Variants in HYDIN observed in about 807,000 individuals in gnomAD.
The protein encoded by HYDIN is axonemal central pair apparatus protein HYDIN.
Under a neutral mutation model 403.9 loss-of-function variants are expected in HYDIN, and 132 were observed. The observed-to-expected ratio is 0.33, with a 90% confidence interval of 0.28 to 0.38. The LOEUF (loss-of-function observed/expected upper bound fraction) is 0.38. Ranked by LOEUF, HYDIN falls within the 10% of genes least tolerant of loss-of-function variation. The pLI, the probability that HYDIN is intolerant of heterozygous loss-of-function variation, is 1.00. For synonymous variants in HYDIN, 1,202 were observed against 1,891.7 expected (o/e 0.64, Z 9.46); for missense variants, 2,827 against 5,009.5 (o/e 0.56, Z 13.15).
intron 10 of HYDIN, among the ~76,000 whole-genome samples, chr16:71,097,716 T>C (rs1288278937): frequency 1.4e-5 from 2 of 148,008 alleles, no homozygotes; most frequent in African/African-American, 5.1e-5. Context: ...GATAGTTCAA[T>C]GGTTTTCCTT....
intron 70 of HYDIN, among the ~76,000 whole-genome samples, 164 bp downstream of exon 70, chr16:70,860,525 C>A (rs2039341819): frequency 7.9e-6 from 1 of 126,356 alleles, no homozygotes; most frequent in Non-Finnish European, 1.6e-5. Context: ...CAGAATTCAG[C>A]TTTCTTAACG....
rs1046973633 is a variant in HYDIN, at chr16:70,804,093, T to C, written c.*3487A>G. On this transcript the variant is annotated 3_prime_UTR_variant, in exon 86 of 86. Transcript: ENST00000393567. ...CCAAATTTGCTAATATAAGACTATTTTGTTATTGTTTGAGGCTAAGGAAGC... is the reference window on the plus strand; with the variant it reads ...CCAAATTTGCTAATATAAGACTATTCTGTTATTGTTTGAGGCTAAGGAAGC... Among the ~76,000 whole-genome samples, 1 of 152,250 alleles carries C rather than the reference T, an allele frequency of 6.6e-6. No homozygotes were observed. The highest frequency in any genetic ancestry group is 1.5e-5 in the Non-Finnish European group (1 of 68,046).
intron 16 of HYDIN, among the ~76,000 whole-genome samples, chr16:71,063,539 GCACACTC>G (rs1202673406): frequency 1.3e-5 from 2 of 152,208 alleles, no homozygotes; most frequent in Admixed American, 6.5e-5. Flanking sequence ...GACCCCAGAT[GCACACTC>G]CACTCTGAGT....
intron 64 of HYDIN, among the ~76,000 whole-genome samples, chr16:70,872,782 A>G (rs1222736351): frequency 2.2e-5 from 3 of 135,952 alleles, no homozygotes; most frequent in African/African-American, 9.0e-5. Flanking sequence ...TCATCCATCC[A>G]TCATCCACCC....
chr16:71,217,722 C>A (rs764289688), intron 1 of HYDIN, among the ~76,000 whole-genome samples: 1 of 152,180 alleles, frequency 6.6e-6, no homozygotes, highest in Non-Finnish European at 1.5e-5. Flanking sequence ...TACCTAAAAT[C>A]ATTGAAAGTA....
intron 47 of HYDIN, among the ~76,000 whole-genome samples, chr16:70,913,345 T>C (rs7404390): frequency 3.3e-5 from 5 of 151,916 alleles, no homozygotes; most frequent in African/African-American, 9.7e-5. Flanking sequence ...CATTCAGTTC[T>C]ATGAAGTTTT....
At chr16:71,165,189 T>C (rs1336351359) in intron 5 of HYDIN, among the ~76,000 whole-genome samples, 2 of 151,256 alleles carry the variant, frequency 1.3e-5, no homozygotes, top group Non-Finnish European at 2.9e-5. Flanking sequence ...GCTGGCGCAC[T>C]TGCGAAGGTC....
chr16:71,174,012 C>G (rs181237990), intron 5 of HYDIN, among the ~76,000 whole-genome samples: 1 of 152,192 alleles, frequency 6.6e-6, no homozygotes, highest in African/African-American at 2.4e-5. Context: ...AAATCCAGAC[C>G]CTGTTCTCCC....
intron 44 of HYDIN, among the ~76,000 whole-genome samples, chr16:70,937,635 A>T (rs2077532791): frequency 8.3e-6 from 1 of 119,866 alleles, no homozygotes; most frequent in Non-Finnish European, 1.8e-5. Context: ...TGATGGAGGA[A>T]CTCCAGCCTG....
At chr16:71,008,634 G>GT (rs1447781004) in intron 23 of HYDIN, among the ~76,000 whole-genome samples, 51 of 149,244 alleles carry the variant, frequency 3.4e-4, no homozygotes, top group Middle Eastern at 3.4e-3. Flanking sequence ...TGTTCACACT[G>GT]TACCGATGGT....
rs147090228 is a variant in HYDIN at position 71,169,637 on chromosome 16, GA to G, written c.516+5969del. Among the ~76,000 whole-genome samples the G allele has an allele frequency of 3.9e-5, 6 of 152,312 alleles. No homozygotes were observed. In the East Asian group the frequency reaches 1.2e-3, roughly 29 times the overall value. ...AAACAGTCAAATGCATAGAAGCAGA[GA>G]GTAGAACAGTGATTCCCAGGGACTG... On this transcript the variant is annotated intron_variant, in intron 5 of 85. Transcript: ENST00000393567.
chr16:70,943,160 A>G (rs2077735465), intron 42 of HYDIN, among the ~76,000 whole-genome samples: 1 of 152,176 alleles, frequency 6.6e-6, no homozygotes, highest in African/African-American at 2.4e-5. Context: ...AACAGGCTTA[A>G]GTGATACCCT....
chr16:71,042,566 A>G (rs563859735), intron 18 of HYDIN, among the ~76,000 whole-genome samples: 73 of 152,280 alleles, frequency 4.8e-4, no homozygotes, highest in African/African-American at 1.7e-3. Flanking sequence ...ATGAGTATGC[A>G]AACACTAAAC....
At chr16:71,041,626 C>T (rs549735239) in intron 18 of HYDIN, among the ~76,000 whole-genome samples, 36 of 152,228 alleles carry the variant, frequency 2.4e-4, no homozygotes, top group African/African-American at 7.9e-4. Flanking sequence ...ATAGTATTGT[C>T]CCATGGGAGG....
intron 9 of HYDIN, among the ~76,000 whole-genome samples, chr16:71,117,468 G>C (rs1030859403): frequency 6.6e-6 from 1 of 152,110 alleles, no homozygotes; most frequent in Non-Finnish European, 1.5e-5. Context: ...TCAGAACTCA[G>C]TAAATAACTG....
At chr16:71,179,564 G>A (rs2086818408) in intron 3 of HYDIN, among the ~76,000 whole-genome samples, 2 of 152,120 alleles carry the variant, frequency 1.3e-5, no homozygotes, top group Non-Finnish European at 2.9e-5. Context: ...GTAAATATGT[G>A]GTTACTCTAA....
chr16:70,956,519 G>A (rs905485275), intron 39 of HYDIN, among the ~76,000 whole-genome samples: 2 of 152,176 alleles, frequency 1.3e-5, no homozygotes, highest in African/African-American at 2.4e-5. Flanking sequence ...GATATGGGGG[G>A]TTAGCCTGGA....
At chr16:70,872,371 TATCCATCCATCCATCC>T (rs144467788) in intron 64 of HYDIN, among the ~76,000 whole-genome samples, 192 bp from the exon 65 acceptor site, 2,043 of 136,818 alleles carry the variant, frequency 0.015, 43 homozygotes, top group African/African-American at 0.057. Context: ...TCCATCCATC[TATCCATCCATCCATCC>T]ATCCATCCAT....
chr16:71,077,701 C>G (rs2082661135), intron 13 of HYDIN, among the ~76,000 whole-genome samples: 1 of 151,610 alleles, frequency 6.6e-6, no homozygotes, highest in African/African-American at 2.4e-5. Context: ...AATCAGAATG[C>G]TTTCAACATT....
Sources: gnomAD v4.1 joint callset for allele counts (sites outside exome capture counted in the v4.1 genomes callset) on GRCh38, gnomAD v4.1.1 for gene constraint, MANE v1.5 for transcripts, NCBI Gene and HGNC (gene_info 2026-07-23, HGNC 2026-07-21) for gene names.